Variants in GPT2 observed in about 807,000 individuals in gnomAD.
The protein encoded by GPT2 is alanine aminotransferase 2.
GPT2 carries 30 observed loss-of-function variants against 56.9 expected under a neutral mutation model. The ratio of observed to expected loss-of-function variants is 0.53; its 90% CI spans 0.39 to 0.72. The LOEUF (loss-of-function observed/expected upper bound fraction) is 0.72. GPT2 is among the 30% of genes least tolerant of loss of function. The probability of loss-of-function intolerance (pLI) is 0.00; values close to 1 mark genes in which losing one functional copy is unlikely to be tolerated. For missense variants in GPT2, 542 were observed against 703.4 expected, an observed-to-expected ratio of 0.77 and a Z score of 2.60; for synonymous variants, 271 against 283.1, an observed-to-expected ratio of 0.96 and a Z score of 0.43.
intron 2 of GPT2, among the ~76,000 whole-genome samples, chr16:46,886,213 G>A (rs867822821): frequency 2.1e-4 from 32 of 152,154 alleles, no homozygotes; most frequent in African/African-American, 6.0e-4. Context: ...GAGGTGGGCC[G>A]GGCAGAGAAC....
At chr16:46,912,896 C>T (rs907383816) in intron 6 of GPT2, among the ~76,000 whole-genome samples, 2 of 152,220 alleles carry the variant, frequency 1.3e-5, no homozygotes, top group African/African-American at 4.8e-5. Context: ...CAGTCGTGAT[C>T]TGTCACTCAA....
rs1372071620 is a variant in GPT2, at chr16:46,884,901, C to T, written c.186C>T (p.Tyr62=). The T allele has an allele frequency of 1.3e-6, 2 of 1,542,900 alleles. No homozygotes were observed. The highest frequency in any genetic ancestry group is 2.5e-5 in the East Asian group (1 of 40,328). ...SMNPQVKAVE[Y]AVRGPIVLKA... ...ACCCGCAGGTGAAGGCGGTGGAGTA[C>T]GCCGTGCGGGGACCCATCGTGCTCA... Residue 62 remains tyrosine, a synonymous_variant, in exon 2 of 12, where the codon TAC becomes TAT. Coordinates refer to ENST00000340124, the MANE Select transcript of GPT2 (RefSeq NM_133443.4).
intron 7 of GPT2, among the ~76,000 whole-genome samples, chr16:46,916,948 G>GA (rs1399286539): frequency 3.3e-5 from 5 of 152,120 alleles, no homozygotes; most frequent in African/African-American, 1.2e-4. Context: ...AGCTCCAAAA[G>GA]AAAAAGGAAA....
chr16:46,909,431 G>A lies in GPT2; in HGVS notation c.577-253G>A, dbSNP rs146336079. 3.5e-3 allele frequency among the ~76,000 whole-genome samples: 527 copies of A among 152,192 alleles called. 4 individuals are homozygous for A. The highest frequency in any genetic ancestry group is 0.012 in the African/African-American group (494 of 41,534). On this transcript the variant is annotated intron_variant, in intron 5 of 11. Coordinates refer to ENST00000340124, the MANE Select transcript of GPT2 (RefSeq NM_133443.4). ...CTCCCAAAGTGCTAGGATTTTAGAC[G>A]TGAGCCACCGTGCCCAGCCTAAGTA...
At position 46,901,996 on chromosome 16, in the gene GPT2, C is replaced by G. The variant is rs548968333; in HGVS notation, c.442+1206C>G. Reference sequence around the variant, plus strand: ...TGGCCCCAAGGGCAAAGGTGTTTCCCAAAGACCCCGTGGCCATGGGCCTAA... The same window carrying G: ...TGGCCCCAAGGGCAAAGGTGTTTCCGAAAGACCCCGTGGCCATGGGCCTAA... On this transcript the variant is annotated intron_variant, in intron 4 of 11. Transcript: ENST00000340124. 8.5e-5 allele frequency among the ~76,000 whole-genome samples: 13 copies of G among 152,346 alleles called. No homozygotes were observed. In the East Asian group the frequency reaches 2.3e-3, roughly 27 times the overall value.
chr16:46,898,297 G>T (rs375172201), intron 3 of GPT2, among the ~76,000 whole-genome samples: 6 of 152,184 alleles, frequency 3.9e-5, no homozygotes, highest in African/African-American at 1.4e-4. Context: ...ACTGTGAGCC[G>T]CTGCACCCCT....
At chr16:46,913,030 T>G (rs921671719) in intron 6 of GPT2, among the ~76,000 whole-genome samples, 8 of 152,170 alleles carry the variant, frequency 5.3e-5, no homozygotes, top group African/African-American at 1.7e-4. Context: ...CAAAGCCATG[T>G]CTCATGTCTC....
chr16:46,895,825 G>A (rs184950881), intron 2 of GPT2, among the ~76,000 whole-genome samples: 5 of 152,304 alleles, frequency 3.3e-5, no homozygotes, highest in African/African-American at 9.6e-5. Flanking sequence ...GAGCCACCAC[G>A]TCCAGCCACT....
rs780208713 is a variant in GPT2, at chr16:46,884,673, CT to C, written c.-22-16del. ...CTGGGCAGTGCGCGACGTGTTTGTT[CT>C]TTTTCTCTTTTTGTGCCAGGGTTTC... On this transcript the variant is annotated intron_variant, in intron 1 of 11. Transcript: ENST00000340124. 8 of 1,364,856 alleles carry C rather than the reference CT, an allele frequency of 5.9e-6. No individual in the cohort carries two copies. The African/African-American group carries it at 1.1e-4, about 18-fold the overall frequency. The allele number at this position is 1,364,856 out of a possible 1,614,324, so 84.5% of individuals were successfully genotyped here.
At chr16:46,899,014 TA>T (rs1567335215) in intron 3 of GPT2, among the ~76,000 whole-genome samples, 1,366 of 7,790 alleles carry the variant, frequency 0.18, 33 homozygotes, top group African/African-American at 0.27. Flanking sequence ...TATATATATA[TA>T]TATATATATA....
intron 8 of GPT2, among the ~76,000 whole-genome samples, chr16:46,920,057 A>C (rs535963684): frequency 2.0e-5 from 3 of 152,328 alleles, no homozygotes; most frequent in Admixed American, 2.0e-4. Flanking sequence ...AAAATGTTTT[A>C]AAACTCAGCC....
intron 2 of GPT2, among the ~76,000 whole-genome samples, chr16:46,893,642 A>AT (rs370056019): frequency 6.4e-4 from 98 of 152,084 alleles, no homozygotes; most frequent in African/African-American, 2.2e-3. Flanking sequence ...CTAACACCCT[A>AT]TGAAATATGC....
intron 9 of GPT2, among the ~76,000 whole-genome samples, chr16:46,923,676 G>A (rs1022090778): frequency 1.4e-4 from 21 of 152,328 alleles, no homozygotes; most frequent in East Asian, 1.9e-4. Flanking sequence ...AGCCCTGGAC[G>A]GTGACTGTGC....
intron 5 of GPT2, 121 bp from the exon 6 acceptor site, chr16:46,909,563 C>T (rs911437086): frequency 1.6e-4 from 176 of 1,123,658 alleles, no homozygotes; most frequent in Non-Finnish European, 2.1e-4. Context: ...AACTGAGACT[C>T]GGGGAAGTAA....
At chr16:46,912,157 G>A (rs1322738654) in intron 6 of GPT2, among the ~76,000 whole-genome samples, 3 of 152,114 alleles carry the variant, frequency 2.0e-5, no homozygotes, top group Admixed American at 2.0e-4. Context: ...GTGTCAGAGT[G>A]GACTGGGTTC....
chr16:46,919,997 A>G (rs767286307), intron 8 of GPT2, among the ~76,000 whole-genome samples: 2 of 152,194 alleles, frequency 1.3e-5, no homozygotes, highest in Non-Finnish European at 2.9e-5. Context: ...ACTCGAGGCC[A>G]GGAGTTTGAG....
At chr16:46,890,514 G>A (rs1256754984) in intron 2 of GPT2, among the ~76,000 whole-genome samples, 2 of 152,168 alleles carry the variant, frequency 1.3e-5, no homozygotes, top group African/African-American at 4.8e-5. Flanking sequence ...TTGTTGAATT[G>A]GAGGAAAGTT....
At chr16:46,920,620 C>T (rs1961268168) in intron 8 of GPT2, among the ~76,000 whole-genome samples, 1 of 152,220 alleles carries the variant, frequency 6.6e-6, no homozygotes, top group Admixed American at 6.5e-5. Context: ...TAGGCTGGAA[C>T]AGTGTAAGCG....
chr16:46,887,813 T>C (rs1596857871), intron 2 of GPT2, among the ~76,000 whole-genome samples: 1 of 152,176 alleles, frequency 6.6e-6, no homozygotes, highest in African/African-American at 2.4e-5. Flanking sequence ...TGAGTCCCTA[T>C]CCTTTTTGCT....
Sources: gnomAD v4.1 joint callset for allele counts (sites outside exome capture counted in the v4.1 genomes callset) on GRCh38, gnomAD v4.1.1 for gene constraint, MANE v1.5 for transcripts, NCBI Gene and HGNC (gene_info 2026-07-23, HGNC 2026-07-21) for gene names.